COL6A3: variants seen among roughly 807,000 people sequenced by gnomAD.
COL6A3 encodes the protein collagen type VI alpha 3 chain.
Under a neutral mutation model 274.1 loss-of-function variants are expected in COL6A3, and 137 were observed. The ratio of observed to expected loss-of-function variants is 0.50; its 90% CI spans 0.44 to 0.58. The LOEUF is 0.58. Among genes scored for constraint, COL6A3 ranks in the 20% least tolerant of loss-of-function variants. COL6A3 has a pLI of 0.00. For missense variants in COL6A3, 3,950 were observed against 4,124.9 expected, an observed-to-expected ratio of 0.96 and a Z score of 1.16; for synonymous variants, 1,650 against 1,650.6, an observed-to-expected ratio of 1.00 and a Z score of 0.01.
At position 237,340,074 on chromosome 2, in the gene COL6A3, G is replaced by A. The variant is rs112589267; in HGVS notation, c.8464+378C>T. 7.9e-3 allele frequency among the ~76,000 whole-genome samples: 1,199 copies of A among 152,236 alleles called. 10 individuals carry two copies. The highest frequency in any genetic ancestry group is 0.015 in the African/African-American group (620 of 41,540). On this transcript the variant is annotated intron_variant, in intron 38 of 43. Transcript: ENST00000295550. ...GCAACTCTTTCTAGAAGCTTTCCCC[G>A]GTGCCCCTAACAGAAATCACTTCTC... is the stretch of plus-strand genomic sequence containing the variant.
intron 40 of COL6A3, 28 bp downstream of exon 40, chr2:237,336,107 A>T: frequency 6.2e-7 from 1 of 1,612,764 alleles, no homozygotes; most frequent in Non-Finnish European, 8.5e-7. Context: ...ATGTCACAAG[A>T]TGGCAGCCCT....
chr2:237,366,430 T>C (rs573678113), intron 11 of COL6A3, among the ~76,000 whole-genome samples: 18 of 152,298 alleles, frequency 1.2e-4, no homozygotes, highest in African/African-American at 4.1e-4. Context: ...TAAATCTGAA[T>C]TGTTTGAGGG....
chr2:237,325,207 G>A (rs1321239887), intron 43 of COL6A3, among the ~76,000 whole-genome samples: 1 of 152,142 alleles, frequency 6.6e-6, no homozygotes, highest in East Asian at 1.9e-4. Flanking sequence ...TTTATAGGAA[G>A]CAAAACTATT....
chr2:237,371,499 G>T lies in COL6A3; in HGVS notation c.4285+233C>A. 1.2e-6 allele frequency: 1 copy of T among 818,244 alleles called. No homozygotes were observed. Among genetic ancestry groups the T allele is most frequent in the Admixed American group, 3.4e-5 (1 of 29,006 alleles). 50.7% of individuals were successfully genotyped at this position (818,244 alleles called of 1,614,324 possible). On this transcript the variant is annotated intron_variant, in intron 9 of 43. Transcript: ENST00000295550. This position sits in a 1 kb window ranked among gnomAD's most constrained non-coding sequence, Gnocchi z 4.3. Reference sequence around the variant, plus strand: ...TGTAGTCCTAGCTACTGAGGAGGCTGAAGTGGGAGGTTGGCTGGATCCCAG... The same window carrying T: ...TGTAGTCCTAGCTACTGAGGAGGCTTAAGTGGGAGGTTGGCTGGATCCCAG...
At chr2:237,351,867 A>ATTT (rs1168046373) in intron 26 of COL6A3, among the ~76,000 whole-genome samples, 18 of 152,354 alleles carry the variant, frequency 1.2e-4, no homozygotes, top group African/African-American at 4.1e-4. Flanking sequence ...ACCATAAAAT[A>ATTT]TTTTTGTACA....
chr2:237,389,074 A>G (rs1302885058), intron 3 of COL6A3, among the ~76,000 whole-genome samples: 2 of 152,240 alleles, frequency 1.3e-5, no homozygotes, highest in Admixed American at 1.3e-4. Flanking sequence ...AGCATCGAAT[A>G]AACCCTGATT....
chr2:237,327,778 C>T (rs933419468), intron 42 of COL6A3: 1 of 151,582 alleles, frequency 6.6e-6, no homozygotes, highest in Non-Finnish European at 1.5e-5. Flanking sequence ...TGAGACATGT[C>T]GTTTTGGCTG....
chr2:237,401,663 C>T (rs1289604431), intron 1 of COL6A3, among the ~76,000 whole-genome samples: 1 of 151,592 alleles, frequency 6.6e-6, no homozygotes, highest in Non-Finnish European at 1.5e-5. Flanking sequence ...TAGGACTTTG[C>T]ACTGTTATTA....
At chr2:237,351,274 C>T in intron 26 of COL6A3, 82 bp from the exon 27 acceptor site, 3 of 1,370,840 alleles carry the variant, frequency 2.2e-6, no homozygotes, top group Non-Finnish European at 3.1e-6. Flanking sequence ...CTCTCCCCTG[C>T]ATGGAAGTCA....
chr2:237,369,490 T>G lies in COL6A3; in HGVS notation c.4286-313A>C, dbSNP rs77444546. On this transcript the variant is annotated intron_variant, in intron 9 of 43. Transcript: ENST00000295550. ...GTAAGGAGCATTTAGAAATCAATCT[T>G]GGGCTACCGTAATCTACAGAATCAT... is the stretch of plus-strand genomic sequence containing the variant. 0.043 allele frequency among the ~76,000 whole-genome samples: 6,521 copies of G among 152,284 alleles called. 391 individuals are homozygous for G. Among genetic ancestry groups the G allele is most frequent in the African/African-American group, 0.13 (5,406 of 41,508 alleles).
rs1409714765 is a variant in COL6A3 at position 237,324,814 on chromosome 2, A to C, written c.9494T>G (p.Val3165Gly). The change falls in exon 44 of 44, where the codon GTG (valine) becomes GGG (glycine). Residue 3165 changes from valine (V) to glycine (G), a missense_variant and splice_region_variant. Transcript: ENST00000295550. ...ACTGATGACTCCGGGTTTGGCGAGC[A>C]CTGAGCGTCGAGAGAGGGGGTGGGT... Reference protein sequence around the residue: ...QKECEKVCAPVLAKPGVISVM... With the variant: ...QKECEKVCAPGLAKPGVISVM... 6.2e-7 allele frequency: 1 copy of C among 1,613,468 alleles called. No homozygotes were observed. The highest frequency in any genetic ancestry group is 1.7e-5 in the Admixed American group (1 of 60,018).
At chr2:237,351,015 T>C (rs1574960434) in intron 27 of COL6A3, 115 bp downstream of exon 27, 1 of 965,820 alleles carries the variant, frequency 1.0e-6, no homozygotes. Context: ...GAGGCTGGAG[T>C]GGGAACCAGT....
intron 1 of COL6A3, among the ~76,000 whole-genome samples, chr2:237,404,635 G>C (rs2078677640): frequency 6.6e-6 from 1 of 152,150 alleles, no homozygotes; most frequent in Non-Finnish European, 1.5e-5. Flanking sequence ...CATTGACAAA[G>C]AGCACAAGTG....
In COL6A3 at chr2:237,361,055, G is replaced by T; in HGVS notation, c.6210+66C>A. 7.8e-7 allele frequency: 1 copy of T among 1,277,750 alleles called. No homozygotes were observed. The highest frequency in any genetic ancestry group is 1.1e-6 in the Non-Finnish European group (1 of 873,182). 79.2% of individuals were successfully genotyped at this position (1,277,750 alleles called of 1,614,324 possible). A position where few individuals can be genotyped will look rare whatever the true frequency, so the allele number is the denominator to read the frequency against. ...CTGAACAAATGATGAAATCCACAAT[G>T]CAATCCCAATGGGTAAGGATCAAGG... On this transcript the variant is annotated intron_variant, in intron 16 of 43. Transcript: ENST00000295550. The surrounding 1 kb of genome is among the most constrained non-coding windows in gnomAD (Gnocchi z 5.1).
At chr2:237,330,651 C>A (rs1174955408) in intron 42 of COL6A3, among the ~76,000 whole-genome samples, 1 of 152,162 alleles carries the variant, frequency 6.6e-6, no homozygotes, top group East Asian at 1.9e-4. Context: ...AGTCTCCCTG[C>A]CACATACCAA....
intron 4 of COL6A3, among the ~76,000 whole-genome samples, chr2:237,384,844 T>A (rs764893427): frequency 3.9e-5 from 6 of 152,046 alleles, no homozygotes; most frequent in Non-Finnish European, 8.8e-5. Context: ...TGGCTTCTCA[T>A]CCCCCTACAG....
At chr2:237,326,348 T>G (rs1699940582) in intron 42 of COL6A3, 1 of 152,174 alleles carries the variant, frequency 6.6e-6, no homozygotes. Flanking sequence ...CTAGCACTGA[T>G]GTAAAATTCA....
chr2:237,408,585 T>G (rs1255845028), intron 1 of COL6A3, among the ~76,000 whole-genome samples: 4 of 152,236 alleles, frequency 2.6e-5, no homozygotes, highest in Non-Finnish European at 4.4e-5. Context: ...GTTCAATTTT[T>G]AATTTTGAAA....
In COL6A3 at chr2:237,374,907, G is replaced by A. The variant is rs766226966; in HGVS notation, c.3184C>T (p.Gln1062Ter). The change falls in exon 8 of 44, where the codon CAG (glutamine) becomes TAG (stop). Residue 1062 changes from glutamine (Q) to a stop codon, truncating the protein, a stop_gained. Coordinates refer to ENST00000295550, the MANE Select transcript of COL6A3 (RefSeq NM_004369.4). LOFTEE classifies it high-confidence loss of function. The surrounding 1 kb of genome is among the most constrained non-coding windows in gnomAD (Gnocchi z 4.8). ...QRVVESLDVG[Q>*]DRVRVAVVQY... ...ACCACGGCCACGCGGACCCGGTCCT[G>A]GCCCACATCCAGGCTTTCCACCACT... The A allele has an allele frequency of 1.2e-6, 2 of 1,613,916 alleles. No individual in the cohort carries two copies. Among genetic ancestry groups the A allele is most frequent in the Non-Finnish European group, 8.5e-7 (1 of 1,180,006 alleles).
Sources: allele counts gnomAD v4.1 joint callset (sites outside exome capture counted in the v4.1 genomes callset), GRCh38; gene constraint gnomAD v4.1.1; non-coding constraint Gnocchi (gnomAD v3.1); transcripts MANE v1.5; gene names NCBI Gene and HGNC (gene_info 2026-07-23, HGNC 2026-07-21).